The following LRRC49 variants were observed in gnomAD, a reference collection of about 807,000 sequenced individuals.
The protein encoded by LRRC49 is leucine rich repeat containing 49.
Under a neutral mutation model 83.3 loss-of-function variants are expected in LRRC49, and 50 were observed. That is an observed-to-expected ratio of 0.60 (90% CI 0.48 to 0.76). LRRC49 has a LOEUF of 0.76. Among genes scored for constraint, LRRC49 ranks in the 30% least tolerant of loss-of-function variants. LRRC49 has a pLI of 0.00. For synonymous variants in LRRC49, 286 were observed against 283.3 expected, an observed-to-expected ratio of 1.01 and a Z score of -0.10; for missense variants, 704 against 809.1, an observed-to-expected ratio of 0.87 and a Z score of 1.58.
chr15:70,928,141 GTT>G (rs1351442901), intron 7 of LRRC49, among the ~76,000 whole-genome samples: 1 of 151,974 alleles, frequency 6.6e-6, no homozygotes, highest in Non-Finnish European at 1.5e-5. Flanking sequence ...CCTCTATTCT[GTT>G]CCATCTATTC....
chr15:70,970,620 T>G (rs771237918), intron 9 of LRRC49, among the ~76,000 whole-genome samples: 34 of 152,098 alleles, frequency 2.2e-4, no homozygotes, highest in Non-Finnish European at 4.3e-4. Flanking sequence ...GTCCTGGGCT[T>G]TTTTTGGTTG....
At chr15:70,859,605 A>AGG in intron 1 of LRRC49, 1 of 646,406 alleles carries the variant, frequency 1.5e-6, no homozygotes, top group Admixed American at 1.9e-5. Context: ...AAGCTTGGGC[A>AGG]TGACCTGCAG....
At chr15:70,891,273 C>T (rs980962067), upstream of LRRC49, among the ~76,000 whole-genome samples, 1 of 152,158 alleles carries the variant, frequency 6.6e-6, no homozygotes, top group Non-Finnish European at 1.5e-5. Flanking sequence ...TGGGGAAAGT[C>T]AGCTCACTAG....
intron 6 of LRRC49, among the ~76,000 whole-genome samples, chr15:70,913,179 CT>C (rs1156397054): frequency 4.6e-5 from 7 of 152,184 alleles, no homozygotes; most frequent in African/African-American, 1.7e-4. Flanking sequence ...CGGGGAATCC[CT>C]GCCTGTTGAT....
chr15:71,045,016 G>A (rs1047964999), intron 15 of LRRC49, among the ~76,000 whole-genome samples: 38 of 147,036 alleles, frequency 2.6e-4, no homozygotes, highest in African/African-American at 9.3e-4. Flanking sequence ...TCAGCCTCTC[G>A]AGTAGCTGGG....
At chr15:70,884,493 C>T (rs1177348268) in intron 2 of LRRC49, among the ~76,000 whole-genome samples, 1 of 151,936 alleles carries the variant, frequency 6.6e-6, no homozygotes, top group Non-Finnish European at 1.5e-5. Flanking sequence ...GCACTCCAGC[C>T]TGGGCGACAG....
chr15:70,976,306 AT>A (rs2037204741), intron 9 of LRRC49, among the ~76,000 whole-genome samples: 1 of 152,194 alleles, frequency 6.6e-6, no homozygotes, highest in South Asian at 2.1e-4. Flanking sequence ...GCTAAAAGTG[AT>A]TGTTTGAGTA....
chr15:70,980,823 C>A (rs1180228654), intron 10 of LRRC49, among the ~76,000 whole-genome samples: 1 of 151,970 alleles, frequency 6.6e-6, no homozygotes, highest in Admixed American at 6.6e-5. Flanking sequence ...AAGGACATCA[C>A]CCTGATTATC....
At chr15:70,971,803 T>C (rs2037013250) in intron 9 of LRRC49, among the ~76,000 whole-genome samples, 1 of 147,518 alleles carries the variant, frequency 6.8e-6, no homozygotes. Context: ...ACTCCTTTTT[T>C]TTTTTTTTTT....
At chr15:70,862,078 G>T (rs2032801629) in intron 1 of LRRC49, among the ~76,000 whole-genome samples, 1 of 152,172 alleles carries the variant, frequency 6.6e-6, no homozygotes, top group Admixed American at 6.5e-5. Flanking sequence ...AAAACCTAAA[G>T]AATTTACACA....
intron 15 of LRRC49, among the ~76,000 whole-genome samples, chr15:71,040,071 T>C (rs948023042): frequency 2.0e-5 from 3 of 152,178 alleles, no homozygotes; most frequent in Non-Finnish European, 4.4e-5. Context: ...ACAAACATTA[T>C]AGCCAAGTGT....
chr15:70,990,113 C>A (rs1255987043), intron 11 of LRRC49, among the ~76,000 whole-genome samples: 1 of 152,158 alleles, frequency 6.6e-6, no homozygotes, highest in Non-Finnish European at 1.5e-5. Flanking sequence ...GCAGTCTGCC[C>A]GTTCTCAGAT....
intron 8 of LRRC49, among the ~76,000 whole-genome samples, chr15:70,948,733 CT>C (rs1176278633): frequency 6.6e-6 from 1 of 152,146 alleles, no homozygotes; most frequent in Non-Finnish European, 1.5e-5. Context: ...GTTCTAATGA[CT>C]TTTAGTGGAG....
Position 70,904,637 on chromosome 15 carries a change from C to T in LRRC49, c.382C>T (p.Gln128Ter), listed in dbSNP as rs1052953937. The change falls in exon 5 of 16, where the codon CAA becomes TAA. Residue 128 changes from glutamine to a stop codon, truncating the protein, a stop_gained. Transcript: ENST00000260382. LOFTEE classifies it high-confidence loss of function. ...NFQHNFITRI[Q>*]NISNLQKLIS... ...TCAACACAATTTTATAACTCGGATACAAAATATTTCTAATCTACAGAAGTT... is the reference window on the plus strand; with the variant it reads ...TCAACACAATTTTATAACTCGGATATAAAATATTTCTAATCTACAGAAGTT... The T allele has an allele frequency of 3.1e-6, 5 of 1,612,404 alleles. No homozygotes were observed. The Admixed American group carries it at 5.0e-5, about 16-fold the overall frequency.
intron 11 of LRRC49, among the ~76,000 whole-genome samples, chr15:70,990,493 CA>C (rs1567087180): frequency 6.6e-6 from 1 of 152,198 alleles, no homozygotes; most frequent in East Asian, 1.9e-4. Flanking sequence ...CGGAAAAGCA[CA>C]GTATTGGGGT....
At chr15:70,916,671 G>A (rs1366714248) in intron 6 of LRRC49, among the ~76,000 whole-genome samples, 1 of 152,218 alleles carries the variant, frequency 6.6e-6, no homozygotes, top group Admixed American at 6.5e-5. Flanking sequence ...GCAGGGAGGC[G>A]TGGCTGGGGC....
chr15:70,980,222 C>T (rs776851990), intron 10 of LRRC49, 38 bp downstream of exon 10: 33 of 1,403,886 alleles, frequency 2.4e-5, no homozygotes, highest in Admixed American at 1.0e-4. Context: ...TGTGTGCACA[C>T]GTAGACACAC....
In LRRC49 at chr15:70,919,211, G is replaced by A. The variant is rs2034912752; in HGVS notation, c.711+18G>A. ...CTTTCGTGGTGAGTATTAAAATGGA[G>A]TTGATATGTACTTTGTGGCTTTCTT... On this transcript the variant is annotated intron_variant, in intron 7 of 15. Coordinates refer to ENST00000260382, the MANE Select transcript of LRRC49 (RefSeq NM_017691.5). 1.9e-6 allele frequency: 3 copies of A among 1,598,324 alleles called. No individual in the cohort carries two copies. The highest frequency in any genetic ancestry group is 2.6e-6 in the Non-Finnish European group (3 of 1,172,638).
chr15:70,944,875 A>G (rs2035954035), intron 8 of LRRC49, among the ~76,000 whole-genome samples: 1 of 152,146 alleles, frequency 6.6e-6, no homozygotes, highest in Admixed American at 6.5e-5. Flanking sequence ...TGGACTTCAG[A>G]TATATAATCT....
Sources: allele counts gnomAD v4.1 joint callset (sites outside exome capture counted in the v4.1 genomes callset), GRCh38; gene constraint gnomAD v4.1.1; transcripts MANE v1.5; gene names NCBI Gene and HGNC (gene_info 2026-07-23, HGNC 2026-07-21).